The following DENND4B variants were observed in gnomAD, a reference collection of about 807,000 sequenced individuals.
DENND4B encodes DENN domain containing 4B, also known as DENN domain-containing protein 4B.
Under a neutral mutation model 161.0 loss-of-function variants are expected in DENND4B, and 67 were observed. The ratio of observed to expected loss-of-function variants is 0.42; its 90% CI spans 0.34 to 0.51. The LOEUF is 0.51. Ranked by LOEUF, DENND4B falls within the 20% of genes least tolerant of loss-of-function variation. The pLI, the probability that DENND4B is intolerant of heterozygous loss-of-function variation, is 0.08. For missense variants in DENND4B, 1,481 were observed against 1,968.0 expected (o/e 0.75, Z 4.68); for synonymous variants, 753 against 813.8 (o/e 0.93, Z 1.27).
At chr1:153,939,276 G>T (rs1219488706) in intron 12 of DENND4B, among the ~76,000 whole-genome samples, 1 of 151,736 alleles carries the variant, frequency 6.6e-6, no homozygotes, top group African/African-American at 2.4e-5. Flanking sequence ...CCTCAGACTG[G>T]GGGGGGTCTC....
Position 153,930,359 on chromosome 1 carries a change from G to A in DENND4B, c.4429C>T (p.Gln1477Ter). ...TCAATGGCCTTGGGAGTGGGCATCTGCGCCCGCCGGTGCCTCAGCTCCTCC... is the reference window on the plus strand; with the variant it reads ...TCAATGGCCTTGGGAGTGGGCATCTACGCCCGCCGGTGCCTCAGCTCCTCC... ...GKEELRHRRA[Q>*]MPTPKAIDCR... The change falls in exon 28 of 28, where the codon CAG (glutamine) becomes TAG (stop). Residue 1477 changes from glutamine (Q) to a stop codon, truncating the protein, a stop_gained. Coordinates refer to ENST00000361217, the MANE Select transcript of DENND4B (RefSeq NM_014856.3). LOFTEE classifies it high-confidence loss of function. The surrounding 1 kb of genome is among the most constrained non-coding windows in gnomAD (Gnocchi z 4.7). 6 of 1,614,022 alleles carry A rather than the reference G, an allele frequency of 3.7e-6. No homozygotes were observed. The highest frequency in any genetic ancestry group is 5.1e-6 in the Non-Finnish European group (6 of 1,179,896).
chr1:153,933,645 C>A lies in DENND4B; in HGVS notation c.3168G>T (p.Gly1056=), dbSNP rs773776630. ...RQDEAGTPRR[G]LGARLQQLLT... ...GCAGCTGTTGGAGGCGGGCACCCAG[C>A]CCTCGTCGGGGGGTGCCTGCCTCAT... The change falls in exon 20 of 28, where the codon GGG becomes GGT. Residue 1056 remains glycine (G), a synonymous_variant. Coordinates refer to ENST00000361217, the MANE Select transcript of DENND4B (RefSeq NM_014856.3). The surrounding 1 kb of genome is among the most constrained non-coding windows in gnomAD (Gnocchi z 5.7). 6.4e-7 allele frequency: 1 copy of A among 1,565,898 alleles called. No individual in the cohort carries two copies. The highest frequency in any genetic ancestry group is 8.6e-7 in the Non-Finnish European group (1 of 1,158,016).
Position 153,944,446 on chromosome 1 carries a change from C to A in DENND4B, c.-23-49G>T. On this transcript the variant is annotated intron_variant, in intron 1 of 27. Transcript: ENST00000361217. This position sits in a 1 kb window ranked among gnomAD's most constrained non-coding sequence, Gnocchi z 4.8. ...GATGAAGCAAGGAAGGCTGGGGATG[C>A]CATGGCAACCAGGGTACCCTCTTGC... The A allele has an allele frequency of 6.8e-7, 1 of 1,480,066 alleles. No individual in the cohort carries two copies. The highest frequency in any genetic ancestry group is 1.4e-5 in the African/African-American group (1 of 71,148). The allele number at this position is 1,480,066 out of a possible 1,614,324, so 91.7% of individuals were successfully genotyped here.
chr1:153,944,384 C>T lies in DENND4B; in HGVS notation c.-10G>A, dbSNP rs778447603. On this transcript the variant is annotated 5_prime_UTR_variant, in exon 2 of 28. Coordinates refer to ENST00000361217, the MANE Select transcript of DENND4B (RefSeq NM_014856.3). The surrounding 1 kb of genome is among the most constrained non-coding windows in gnomAD (Gnocchi z 4.8). ...GCCGCTCCTCCGCCATGGCCCCCCCCTCACTCACTGCATCTGGAATGGTCA... is the reference window on the plus strand; with the variant it reads ...GCCGCTCCTCCGCCATGGCCCCCCCTTCACTCACTGCATCTGGAATGGTCA... The T allele has an allele frequency of 9.4e-6, 15 of 1,599,214 alleles. No individual in the cohort carries two copies. The highest frequency in any genetic ancestry group is 4.3e-6 in the Non-Finnish European group (5 of 1,173,644).
In DENND4B at chr1:153,937,610, C is replaced by G; in HGVS notation, c.2110G>C (p.Asp704His). 1 of 1,612,254 alleles carries G rather than the reference C, an allele frequency of 6.2e-7. No individual in the cohort carries two copies. The highest frequency in any genetic ancestry group is 8.5e-7 in the Non-Finnish European group (1 of 1,178,808). The change falls in exon 15 of 28, where the codon GAT becomes CAT. Residue 704 changes from aspartate to histidine, a missense_variant. By Grantham distance (81) the Asp-to-His change is moderately conservative. Transcript: ENST00000361217. This position sits in a 1 kb window ranked among gnomAD's most constrained non-coding sequence, Gnocchi z 4.7. ...TCAGCCCGTAGCTCTGGGAATCCATCATAGCTGGAGGGGCAGAGAGAAGCA... is the reference window on the plus strand; with the variant it reads ...TCAGCCCGTAGCTCTGGGAATCCATGATAGCTGGAGGGGCAGAGAGAAGCA... ...GSESTPQYCY[D>H]GFPELRAELF...
Position 153,940,065 on chromosome 1 carries a change from A to G in DENND4B, c.1603+91T>C, listed in dbSNP as rs1181445677. 2.6e-6 allele frequency: 3 copies of G among 1,168,554 alleles called. No homozygotes were observed. The highest frequency in any genetic ancestry group is 1.6e-5 in the African/African-American group (1 of 64,336). 72.4% of individuals were successfully genotyped at this position (1,168,554 alleles called of 1,614,324 possible). ...CAATCCTAACTTCACTCACCTCCTT[A>G]AGAAATGTCTAGCTCCCCACAGACC... On this transcript the variant is annotated intron_variant, in intron 11 of 27. Coordinates refer to ENST00000361217, the MANE Select transcript of DENND4B (RefSeq NM_014856.3). This position sits in a 1 kb window ranked among gnomAD's most constrained non-coding sequence, Gnocchi z 5.6.
rs1267996667 is a variant in DENND4B, at chr1:153,933,161, G to C, written c.3453+36C>G. On this transcript the variant is annotated intron_variant, in intron 21 of 27. Coordinates refer to ENST00000361217, the MANE Select transcript of DENND4B (RefSeq NM_014856.3). The surrounding 1 kb of genome is among the most constrained non-coding windows in gnomAD (Gnocchi z 5.7). ...GACAGGGTGAGTGTGTGCTATGTGTGTTCAAGCACATCTGTGTGGGAGGGG... is the reference window on the plus strand; with the variant it reads ...GACAGGGTGAGTGTGTGCTATGTGTCTTCAAGCACATCTGTGTGGGAGGGG... 2.5e-6 allele frequency: 4 copies of C among 1,612,220 alleles called. No individual in the cohort carries two copies. The highest frequency in any genetic ancestry group is 3.4e-5 in the Admixed American group (2 of 59,632).
chr1:153,943,675 C>CTA (rs1491171484), intron 2 of DENND4B, among the ~76,000 whole-genome samples: 1 of 59,054 alleles, frequency 1.7e-5, no homozygotes, highest in Non-Finnish European at 3.4e-5. Context: ...GAGACTCTGT[C>CTA]TATAAAAAAA....
At chr1:153,941,096 G>T in intron 8 of DENND4B, 48 bp from the exon 9 acceptor site, 2 of 1,557,340 alleles carry the variant, frequency 1.3e-6, no homozygotes, top group Non-Finnish European at 1.7e-6. Context: ...ATACCCTGGG[G>T]ACCCTTCCCC....
chr1:153,946,347 A>G lies in DENND4B; in HGVS notation c.-70T>C. On this transcript the variant is annotated 5_prime_UTR_variant, in exon 1 of 28. Coordinates refer to ENST00000361217, the MANE Select transcript of DENND4B (RefSeq NM_014856.3). The surrounding 1 kb of genome is among the most constrained non-coding windows in gnomAD (Gnocchi z 6.3). ...GCCGGCCCGCTGGCGGGTGGCTCGG[A>G]GGGCGAGCTGGCGGGCCGGCGGGCG... is the stretch of plus-strand genomic sequence containing the variant. The G allele has an allele frequency of 2.7e-6, 1 of 371,414 alleles. No individual in the cohort carries two copies. The highest frequency in any genetic ancestry group is 4.8e-6 in the Non-Finnish European group (1 of 208,640). The allele number at this position is 371,414 out of a possible 1,614,324, so 23.0% of individuals were successfully genotyped here.
rs1283322202 is a variant in DENND4B, at chr1:153,942,995, T to G, written c.453A>C (p.Ala151=). The part of the protein sequence containing the change: ...PRTYLTYRRA[A]EGAGLHALGI... ...CCAGGGCATGCAGCCCTGCCCCCTC[T>G]GCTGCCCGCCGGTAAGTGAGGTAGG... is the stretch of plus-strand genomic sequence containing the variant. The change falls in exon 3 of 28, where the codon GCA becomes GCC. Residue 151 remains alanine (A), a synonymous_variant. Coordinates refer to ENST00000361217, the MANE Select transcript of DENND4B (RefSeq NM_014856.3). This position sits in a 1 kb window ranked among gnomAD's most constrained non-coding sequence, Gnocchi z 6.9. 6.2e-7 allele frequency: 1 copy of G among 1,613,876 alleles called. No homozygotes were observed. The highest frequency in any genetic ancestry group is 1.3e-5 in the African/African-American group (1 of 74,948).
In DENND4B at chr1:153,930,828, C is replaced by T. The variant is rs1472321970; in HGVS notation, c.4144G>A (p.Gly1382Ser). 2 of 1,602,204 alleles carry T rather than the reference C, an allele frequency of 1.2e-6. No individual in the cohort carries two copies. Among genetic ancestry groups the T allele is most frequent in the Non-Finnish European group, 1.7e-6 (2 of 1,174,408 alleles). ...AAACTAAGGGATGCAGGTACAGGGC[C>T]TGGCCATACCACCCGCTGGGGGATC... ...SQIPQRVVWP[G>S]PVPASLSLAL... is the part of the protein sequence containing the mutation. The change falls in exon 26 of 28, where the codon GGC becomes AGC. Residue 1382 changes from glycine to serine, a missense_variant. Physicochemically the swap from Gly to Ser is moderately conservative, Grantham distance 56. Coordinates refer to ENST00000361217, the MANE Select transcript of DENND4B (RefSeq NM_014856.3). This position sits in a 1 kb window ranked among gnomAD's most constrained non-coding sequence, Gnocchi z 4.7.
Position 153,930,030 on chromosome 1 carries a change from T to C in DENND4B, c.*267A>G. 1 of 493,314 alleles carries C rather than the reference T, an allele frequency of 2.0e-6. No individual in the cohort carries two copies. Among genetic ancestry groups the C allele is most frequent in the East Asian group, 3.5e-5 (1 of 28,236 alleles). 30.6% of individuals were successfully genotyped at this position (493,314 alleles called of 1,614,324 possible). ...GTACCCTGGAGGGGAGTTCCCGGTA[T>C]AGGACAAGGGAAGAACAGAGCTGTA... is the stretch of plus-strand genomic sequence containing the variant. On this transcript the variant is annotated 3_prime_UTR_variant, in exon 28 of 28. Transcript: ENST00000361217. The surrounding 1 kb of genome is among the most constrained non-coding windows in gnomAD (Gnocchi z 4.7).
rs1376818585 is a variant in DENND4B at position 153,945,033 on chromosome 1, C to T, written c.-23-636G>A. 126 of 1,212,228 alleles carry T rather than the reference C, an allele frequency of 1.0e-4. 1 individual carries two copies. The highest frequency in any genetic ancestry group is 4.5e-4 in the Middle Eastern group (2 of 4,486). 75.1% of individuals were successfully genotyped at this position (1,212,228 alleles called of 1,614,324 possible). ...ACACCTCCAGGATCCTTAGGTAGCT[C>T]GTTAGATCCAAAGCAGTTGTGAGAG... On this transcript the variant is annotated intron_variant, in intron 1 of 27. Transcript: ENST00000361217.
At position 153,932,472 on chromosome 1, in the gene DENND4B, G is replaced by A; in HGVS notation, c.3760-32C>T. The stretch of plus-strand genomic sequence containing the variant: ...GGCACAAAGGGGGAGGGCAGTAGAG[G>A]GCATGTACATCCCCAGAGCCTTGCC... On this transcript the variant is annotated intron_variant, in intron 23 of 27. Coordinates refer to ENST00000361217, the MANE Select transcript of DENND4B (RefSeq NM_014856.3). The surrounding 1 kb of genome is among the most constrained non-coding windows in gnomAD (Gnocchi z 5.8). 6.3e-7 allele frequency: 1 copy of A among 1,577,896 alleles called. No homozygotes were observed. Among genetic ancestry groups the A allele is most frequent in the Admixed American group, 1.8e-5 (1 of 54,394 alleles).
Position 153,940,912 on chromosome 1 carries a change from G to T in DENND4B, c.1318C>A (p.Leu440Ile). ...GGCGGGGCGGCACTCACCGAGACGA[G>T]GGCCTCACAGACGCTGGTGAGCAGG... ...PDLLTSVCEA[L>I]VSMIFPLHWQ... is the part of the protein sequence containing the mutation. Residue 440 changes from leucine to isoleucine, a missense_variant, in exon 9 of 28, where the codon CTC becomes ATC. Physicochemically the swap from Leu to Ile is conservative, Grantham distance 5 (BLOSUM62 2). Around this residue, in one of 3 missense-constraint regions of DENND4B, gnomAD observed 806 missense variants for 1,134.4 expected, o/e 0.71. Transcript: ENST00000361217. This position sits in a 1 kb window ranked among gnomAD's most constrained non-coding sequence, Gnocchi z 5.6. The T allele has an allele frequency of 6.4e-7, 1 of 1,573,474 alleles. No homozygotes were observed. Among genetic ancestry groups the T allele is most frequent in the Non-Finnish European group, 8.6e-7 (1 of 1,163,602 alleles).
chr1:153,940,033 C>T lies in DENND4B; in HGVS notation c.1603+123G>A. 1.1e-6 allele frequency: 1 copy of T among 939,944 alleles called. No individual in the cohort carries two copies. 58.2% of individuals were successfully genotyped at this position (939,944 alleles called of 1,614,324 possible). Reference sequence around the variant, plus strand: ...GGAATTGGAATCTCCCTCAGTTCCACCAAATGCAATCCTAACTTCACTCAC... The same window carrying T: ...GGAATTGGAATCTCCCTCAGTTCCATCAAATGCAATCCTAACTTCACTCAC... On this transcript the variant is annotated intron_variant, in intron 11 of 27. Transcript: ENST00000361217. The surrounding 1 kb of genome is among the most constrained non-coding windows in gnomAD (Gnocchi z 5.6).
rs1158911075 is a variant in DENND4B at position 153,933,210 on chromosome 1, G to A, written c.3440C>T (p.Ser1147Leu). The change falls in exon 21 of 28, where the codon TCA (serine) becomes TTA (leucine). Residue 1147 changes from serine to leucine, a missense_variant. Physicochemically the swap from Ser to Leu is moderately radical, Grantham distance 145 (BLOSUM62 -2). Transcript: ENST00000361217. This position sits in a 1 kb window ranked among gnomAD's most constrained non-coding sequence, Gnocchi z 5.7. ...GGTTATCCTCACTTCCAGGGAAGGT[G>A]ACTGGAAGGATCCAGGGGTGTCACT... is the stretch of plus-strand genomic sequence containing the variant. ...RLSDTPGSFQ[S>L]PSLEILLSSC... The A allele has an allele frequency of 6.2e-7, 1 of 1,613,118 alleles. No homozygotes were observed. The highest frequency in any genetic ancestry group is 2.2e-5 in the East Asian group (1 of 44,852).
At chr1:153,941,773 C>CTGGGGGGGGGGGGGGG in intron 6 of DENND4B, 96 bp downstream of exon 6, 1 of 1,426,304 alleles carries the variant, frequency 7.0e-7, no homozygotes, top group Non-Finnish European at 9.6e-7. Flanking sequence ...ACCCTGTGCC[C>CTGGGGGGGGGGGGGGG]AGCCCTCCCC....
Sources: allele counts gnomAD v4.1 joint callset (sites outside exome capture counted in the v4.1 genomes callset), GRCh38; gene constraint gnomAD v4.1.1; regional missense constraint gnomAD v4.1.1; non-coding constraint Gnocchi (gnomAD v3.1); transcripts MANE v1.5; gene names NCBI Gene and HGNC (gene_info 2026-07-23, HGNC 2026-07-21).